ROBO1: variants seen among roughly 807,000 people sequenced by gnomAD.
ROBO1 encodes the protein roundabout guidance receptor 1.
Under a neutral mutation model 195.9 loss-of-function variants are expected in ROBO1, and 149 were observed. That is an observed-to-expected ratio of 0.76 (90% CI 0.67 to 0.87). The LOEUF (loss-of-function observed/expected upper bound fraction) is 0.87, where lower values mean the gene tolerates loss of function less well. ROBO1 is among the 40% of genes least tolerant of loss of function. ROBO1 has a pLI of 0.00. For missense variants in ROBO1, 1,933 were observed against 2,068.3 expected (o/e 0.93, Z 1.27); for synonymous variants, 816 against 733.2 (o/e 1.11, Z -1.82).
intron 28 of ROBO1, among the ~76,000 whole-genome samples, chr3:78,608,641 C>T (rs1173075668): frequency 2.0e-5 from 3 of 152,052 alleles, no homozygotes; most frequent in Non-Finnish European, 2.9e-5. Context: ...AGCTTCAATT[C>T]TGGAGGTCAA....
At chr3:79,358,129 G>A (rs2035629507) in intron 2 of ROBO1, among the ~76,000 whole-genome samples, 1 of 152,014 alleles carries the variant, frequency 6.6e-6, no homozygotes, top group Non-Finnish European at 1.5e-5. Flanking sequence ...GGTCATGTAA[G>A]CTATTCTCTT....
chr3:79,216,395 T>C (rs972610894), intron 2 of ROBO1, among the ~76,000 whole-genome samples: 39 of 152,132 alleles, frequency 2.6e-4, no homozygotes, highest in Non-Finnish European at 5.9e-5. Flanking sequence ...GCATGATTTA[T>C]TCTTGGATTT....
At chr3:79,075,691 G>A (rs1385173499) in intron 3 of ROBO1, among the ~76,000 whole-genome samples, 1 of 151,848 alleles carries the variant, frequency 6.6e-6, no homozygotes, top group Non-Finnish European at 1.5e-5. Context: ...CAATTTCAGA[G>A]CCCAAAGTCA....
chr3:78,945,109 A>C (rs2040355531), intron 3 of ROBO1, among the ~76,000 whole-genome samples: 1 of 152,204 alleles, frequency 6.6e-6, no homozygotes, highest in African/African-American at 2.4e-5. Flanking sequence ...ATGGACAAAC[A>C]AAAAGATAGC....
At chr3:79,503,525 T>A (rs1242750401) in intron 2 of ROBO1, among the ~76,000 whole-genome samples, 2 of 152,172 alleles carry the variant, frequency 1.3e-5, no homozygotes, top group Non-Finnish European at 1.5e-5. Context: ...GAAATTGATG[T>A]TGTGCACCCT....
rs1408688950 is a variant in ROBO1 at position 78,670,243 on chromosome 3, G to A, written c.1401C>T (p.Ala467=). ...AGCTGAGGACGAAAGTGCCATCCAC[G>A]GCTACAGTCTGATTCACAGGACCTT... ...IRQGPVNQTV[A]VDGTFVLSCV... Residue 467 remains alanine (A), a synonymous_variant, in exon 11 of 31, where the codon GCC becomes GCT. Transcript: ENST00000464233. The A allele has an allele frequency of 7.5e-6, 12 of 1,596,248 alleles. No homozygotes were observed. The highest frequency in any genetic ancestry group is 9.4e-6 in the Non-Finnish European group (11 of 1,170,464).
chr3:78,817,874 A>C (rs182239578), intron 4 of ROBO1, among the ~76,000 whole-genome samples: 1 of 152,154 alleles, frequency 6.6e-6, no homozygotes, highest in East Asian at 1.9e-4. Flanking sequence ...GTCCAGGGTG[A>C]ATATCTCAGA....
At chr3:79,440,205 A>G (rs2039008383) in intron 2 of ROBO1, among the ~76,000 whole-genome samples, 1 of 152,030 alleles carries the variant, frequency 6.6e-6, no homozygotes, top group South Asian at 2.1e-4. Flanking sequence ...CCACTGGTTT[A>G]AAGTACAATA....
At chr3:78,856,276 T>C (rs1358874210) in intron 4 of ROBO1, among the ~76,000 whole-genome samples, 2 of 67,626 alleles carry the variant, frequency 3.0e-5, no homozygotes, top group African/African-American at 1.2e-4. Context: ...CTACAACAAA[T>C]AACCTAGCAA....
chr3:79,730,839 G>A (rs1042454099), intron 1 of ROBO1, among the ~76,000 whole-genome samples: 4 of 135,628 alleles, frequency 2.9e-5, no homozygotes, highest in South Asian at 2.5e-4. Flanking sequence ...GTGCAGTAGC[G>A]CAGTCTTGGC....
At chr3:79,739,451 T>A (rs1351714854) in intron 1 of ROBO1, among the ~76,000 whole-genome samples, 2 of 152,182 alleles carry the variant, frequency 1.3e-5, no homozygotes, top group African/African-American at 4.8e-5. Flanking sequence ...GGGTTTGGTT[T>A]AACTCCTTAA....
intron 3 of ROBO1, among the ~76,000 whole-genome samples, chr3:79,009,407 C>T (rs1454877143): frequency 6.6e-6 from 1 of 152,108 alleles, no homozygotes. Context: ...AACTCCCAAA[C>T]CTATGGAAAT....
intron 3 of ROBO1, among the ~76,000 whole-genome samples, chr3:79,045,497 C>T (rs940939532): frequency 3.8e-4 from 58 of 151,636 alleles, no homozygotes; most frequent in African/African-American, 1.2e-3. Flanking sequence ...TATGGAGAGA[C>T]GATATAGATC....
intron 3 of ROBO1, among the ~76,000 whole-genome samples, chr3:79,081,162 AT>A (rs1553678393): frequency 2.0e-5 from 3 of 151,126 alleles, no homozygotes; most frequent in African/African-American, 2.4e-5. Context: ...TAAATGACAC[AT>A]TTTTTTCCGA....
chr3:79,342,067 G>C (rs2034929151), intron 2 of ROBO1, among the ~76,000 whole-genome samples: 1 of 152,160 alleles, frequency 6.6e-6, no homozygotes, highest in Admixed American at 6.5e-5. Flanking sequence ...GAAAGAAGTA[G>C]CAAGGAAGAG....
intron 1 of ROBO1, among the ~76,000 whole-genome samples, chr3:79,733,119 C>G (rs1703223964): frequency 6.6e-6 from 1 of 152,160 alleles, no homozygotes; most frequent in South Asian, 2.1e-4. Context: ...TTTCCATCTC[C>G]AATCGATAAA....
intron 1 of ROBO1, among the ~76,000 whole-genome samples, chr3:79,612,725 A>C (rs1213320901): frequency 7.1e-6 from 1 of 141,308 alleles, no homozygotes; most frequent in Non-Finnish European, 1.5e-5. Flanking sequence ...TGCCATTCTA[A>C]CTGGTGTGAG....
intron 2 of ROBO1, among the ~76,000 whole-genome samples, chr3:79,280,911 C>CA (rs1250328244): frequency 5.3e-5 from 8 of 152,176 alleles, no homozygotes; most frequent in Non-Finnish European, 1.2e-4. Flanking sequence ...GCTGGCCACT[C>CA]ACTGCCAGCT....
chr3:79,157,241 T>C (rs2080875175), intron 2 of ROBO1, among the ~76,000 whole-genome samples: 1 of 151,858 alleles, frequency 6.6e-6, no homozygotes, highest in South Asian at 2.1e-4. Flanking sequence ...TGAGCACATA[T>C]AATTTTTTAG....
Sources: gnomAD v4.1 joint callset for allele counts (sites outside exome capture counted in the v4.1 genomes callset) on GRCh38, gnomAD v4.1.1 for gene constraint, MANE v1.5 for transcripts, NCBI Gene and HGNC (gene_info 2026-07-23, HGNC 2026-07-21) for gene names.